The following DDX51 variants were observed in gnomAD, a reference collection of about 807,000 sequenced individuals.
The protein encoded by DDX51 is DEAD-box helicase 51.
DDX51 carries 67 observed loss-of-function variants against 74.6 expected under a neutral mutation model. That is an observed-to-expected ratio of 0.90 (90% CI 0.74 to 1.10). The LOEUF (loss-of-function observed/expected upper bound fraction) is 1.10. DDX51 is among the 50% of genes least tolerant of loss of function. The pLI, the probability that DDX51 is intolerant of heterozygous loss-of-function variation, is 0.00. For synonymous variants in DDX51, 545 were observed against 402.9 expected, an observed-to-expected ratio of 1.35 and a Z score of -4.22; for missense variants, 1,056 against 905.2, an observed-to-expected ratio of 1.17 and a Z score of -2.14.
chr12:132,139,475 G>A, intron 14 of DDX51, 160 bp downstream of exon 14: 3 of 1,540,730 alleles, frequency 1.9e-6, no homozygotes, highest in South Asian at 2.2e-5. Flanking sequence ...GGTGCCCAGG[G>A]GCTCCCCGCC....
chr12:132,142,850 G>A lies in DDX51; in HGVS notation c.548C>T (p.Ala183Val), dbSNP rs756085370. ...KVQPFLPRWL[A>V]EPNCVRRNVT... is the part of the protein sequence containing the mutation. ...ATTCCTTCTGACACAGTTAGGCTCA[G>A]CCAGCCACCTTGGCAGGAAAGGCTG... The change falls in exon 3 of 15, where the codon GCT (alanine) becomes GTT (valine). Residue 183 changes from alanine (A) to valine (V), a missense_variant. By Grantham distance (64) the Ala-to-Val change is moderately conservative. Coordinates refer to ENST00000397333, the MANE Select transcript of DDX51 (RefSeq NM_175066.4). 9 of 1,612,754 alleles carry A rather than the reference G, an allele frequency of 5.6e-6. No homozygotes were observed. The highest frequency in any genetic ancestry group is 3.3e-5 in the South Asian group (3 of 91,094).
Position 132,141,258 on chromosome 12 carries a change from G to A in DDX51, c.1250+17C>T, listed in dbSNP as rs1475753456. On this transcript the variant is annotated intron_variant, in intron 8 of 14. Transcript: ENST00000397333. ...TCTGCTCAGGGGAGGCCAGCACCTG[G>A]GCGTGCTGCTGGATACCTGGCGGCT... The A allele has an allele frequency of 6.3e-7, 1 of 1,580,014 alleles. No individual in the cohort carries two copies. The highest frequency in any genetic ancestry group is 8.6e-7 in the Non-Finnish European group (1 of 1,168,894).
In DDX51 at chr12:132,137,443, G is replaced by C. The variant is rs1180636956; in HGVS notation, c.*1829C>G. ...AAAGGCAAATTTTCTGCTGGGGACT[G>C]GCTTTACCCCGTCTACCTAAATCAT... is the stretch of plus-strand genomic sequence containing the variant. On this transcript the variant is annotated 3_prime_UTR_variant, in exon 15 of 15. Coordinates refer to ENST00000397333, the MANE Select transcript of DDX51 (RefSeq NM_175066.4). 6.6e-6 allele frequency: 1 copy of C among 152,174 alleles called. No individual in the cohort carries two copies. Among genetic ancestry groups the C allele is most frequent in the Non-Finnish European group, 1.5e-5 (1 of 68,036 alleles). The allele number at this position is 152,174 out of a possible 1,614,324, so 9.4% of individuals were successfully genotyped here. A position where few individuals can be genotyped will look rare whatever the true frequency, so the allele number is the denominator to read the frequency against.
At position 132,136,598 on chromosome 12, in the gene DDX51, GAGC is replaced by G. The variant is rs890468678; in HGVS notation, c.*2671_*2673del. 2.0e-5 allele frequency: 3 copies of G among 153,666 alleles called. No homozygotes were observed. The highest frequency in any genetic ancestry group is 7.2e-5 in the African/African-American group (3 of 41,448). 9.5% of individuals were successfully genotyped at this position (153,666 alleles called of 1,614,324 possible). On this transcript the variant is annotated 3_prime_UTR_variant, in exon 15 of 15. Coordinates refer to ENST00000397333, the MANE Select transcript of DDX51 (RefSeq NM_175066.4). Reference sequence around the variant, plus strand: ...GACACACACACACACAGTGAGTTTGGAGCAGAAGTTTAATAAGCAAAAAGGAAG... The same window carrying G: ...GACACACACACACACAGTGAGTTTGGAGAAGTTTAATAAGCAAAAAGGAAG...
rs1184156243 is a variant in DDX51, at chr12:132,137,501, T to G, written c.*1771A>C. 1.3e-5 allele frequency: 2 copies of G among 152,276 alleles called. No homozygotes were observed. Among genetic ancestry groups the G allele is most frequent in the Admixed American group, 6.5e-5 (1 of 15,292 alleles). The allele number at this position is 152,276 out of a possible 1,614,324, so 9.4% of individuals were successfully genotyped here. ...TGCCTCCTGTAACAGTCGCCTTTTGTGTTCTGCTGGCATTTGTTTGAACAC... is the reference window on the plus strand; with the variant it reads ...TGCCTCCTGTAACAGTCGCCTTTTGGGTTCTGCTGGCATTTGTTTGAACAC... On this transcript the variant is annotated 3_prime_UTR_variant, in exon 15 of 15. Transcript: ENST00000397333.
chr12:132,142,838 C>T lies in DDX51; in HGVS notation c.560G>A (p.Cys187Tyr). Residue 187 changes from cysteine (C) to tyrosine (Y), a missense_variant, in exon 3 of 15, where the codon TGT becomes TAT. By Grantham distance (194) the Cys-to-Tyr change is radical. Coordinates refer to ENST00000397333, the MANE Select transcript of DDX51 (RefSeq NM_175066.4). ...GTCTTCGGTGACATTCCTTCTGACACAGTTAGGCTCAGCCAGCCACCTTGG... is the reference window on the plus strand; with the variant it reads ...GTCTTCGGTGACATTCCTTCTGACATAGTTAGGCTCAGCCAGCCACCTTGG... ...FLPRWLAEPN[C>Y]VRRNVTEDLV... The T allele has an allele frequency of 4.3e-6, 7 of 1,612,932 alleles. No individual in the cohort carries two copies. Among genetic ancestry groups the T allele is most frequent in the Non-Finnish European group, 5.9e-6 (7 of 1,180,010 alleles).
rs200096047 is a variant in DDX51, at chr12:132,139,923, C to T, written c.1777G>A (p.Val593Ile). The T allele has an allele frequency of 3.1e-6, 5 of 1,613,034 alleles. No homozygotes were observed. In the African/African-American group the frequency reaches 4.0e-5, roughly 13 times the overall value. The change falls in exon 13 of 15, where the codon GTT becomes ATT. Residue 593 changes from valine (V) to isoleucine (I), a missense_variant and splice_region_variant. Coordinates refer to ENST00000397333, the MANE Select transcript of DDX51 (RefSeq NM_175066.4). Reference sequence around the variant, plus strand: ...TTCCCAGCGCGAGCTGTCCTCCCAACCCTGGAATCAAACGCAGCTATCTCC... The same window carrying T: ...TTCCCAGCGCGAGCTGTCCTCCCAATCCTGGAATCAAACGCAGCTATCTCC... The part of the protein sequence containing the change: ...PQYLRTYVHR[V>I]GRTARAGKTG...
Position 132,142,326 on chromosome 12 carries a change from G to A in DDX51, c.767C>T (p.Ala256Val), listed in dbSNP as rs1565954979. 6.2e-7 allele frequency: 1 copy of A among 1,613,154 alleles called. No individual in the cohort carries two copies. ...CAGTGTCTTCCCACTGCCTGTTGGG[G>A]CAGAAACACAGAGGTCGCTAGGCCG... ...GYRPSDLCVS[A>V]PTGSGKTLAF... is the part of the protein sequence containing the mutation. The change falls in exon 4 of 15, where the codon GCC becomes GTC. Residue 256 changes from alanine (A) to valine (V), a missense_variant. Physicochemically the swap from Ala to Val is moderately conservative, Grantham distance 64. Coordinates refer to ENST00000397333, the MANE Select transcript of DDX51 (RefSeq NM_175066.4).
At chr12:132,142,250 G>A (rs1324340740) in intron 4 of DDX51, 27 bp downstream of exon 4, 3 of 1,610,846 alleles carry the variant, frequency 1.9e-6, no homozygotes, top group Admixed American at 3.3e-5. Context: ...CACACCCGCT[G>A]TAGAGAAAGG....
chr12:132,141,778 C>T, intron 6 of DDX51, 72 bp downstream of exon 6: 1 of 1,550,700 alleles, frequency 6.4e-7, no homozygotes, highest in East Asian at 2.2e-5. Flanking sequence ...TCCTCTGCTC[C>T]CACGGTGCCT....
At chr12:132,143,082 A>G (rs1471998859) in intron 2 of DDX51, 1 of 637,448 alleles carries the variant, frequency 1.6e-6, no homozygotes, top group Non-Finnish European at 2.7e-6. Context: ...CTCACTCTGT[A>G]GCCTCCCATC....
In DDX51 at chr12:132,138,928, T is replaced by C. The variant is rs11246940; in HGVS notation, c.*344A>G. The C allele has an allele frequency of 0.21, 65,327 of 315,100 alleles. 11,100 individuals carry two copies. Among genetic ancestry groups the C allele is most frequent in the African/African-American group, 0.58 (27,333 of 47,074 alleles). 19.5% of individuals were successfully genotyped at this position (315,100 alleles called of 1,614,324 possible). A position where few individuals can be genotyped will look rare whatever the true frequency, so the allele number is the denominator to read the frequency against. On this transcript the variant is annotated 3_prime_UTR_variant, in exon 15 of 15. Coordinates refer to ENST00000397333, the MANE Select transcript of DDX51 (RefSeq NM_175066.4). The stretch of plus-strand genomic sequence containing the variant: ...CCACCATGCCTGGCCAAGAGCTTGA[T>C]TTTTAACATTAGCTCAAGGTTAATG...
rs1325622914 is a variant in DDX51, at chr12:132,137,741, A to C, written c.*1531T>G. The C allele has an allele frequency of 1.3e-5, 2 of 152,194 alleles. No homozygotes were observed. Among genetic ancestry groups the C allele is most frequent in the Admixed American group, 1.3e-4 (2 of 15,282 alleles). 9.4% of individuals were successfully genotyped at this position (152,194 alleles called of 1,614,324 possible). ...TTCAAACAAAGCACTGGACTGAGAG[A>C]ATTCACACACTGTATCCACCCAGTC... On this transcript the variant is annotated 3_prime_UTR_variant, in exon 15 of 15. Coordinates refer to ENST00000397333, the MANE Select transcript of DDX51 (RefSeq NM_175066.4).
rs73164960 is a variant in DDX51, at chr12:132,142,605, G to A, written c.670+123C>T. On this transcript the variant is annotated intron_variant, in intron 3 of 14. Coordinates refer to ENST00000397333, the MANE Select transcript of DDX51 (RefSeq NM_175066.4). ...AGACCCAAGTGGGAACCATGAGCTTGAGAGTGCTGAGACCACACTTGGCAC... is the reference window on the plus strand; with the variant it reads ...AGACCCAAGTGGGAACCATGAGCTTAAGAGTGCTGAGACCACACTTGGCAC... The A allele has an allele frequency of 3.2e-3, 4,689 of 1,487,268 alleles. 114 individuals are homozygous for A. The African/African-American group carries it at 0.057, about 18-fold the overall frequency. 92.1% of individuals were successfully genotyped at this position (1,487,268 alleles called of 1,614,324 possible).
In DDX51 at chr12:132,141,598, C is replaced by T; in HGVS notation, c.1004G>A (p.Gly335Glu). ...QESLVQKTAD[G>E]YRCLADIVVA... Reference sequence around the variant, plus strand: ...CACGATGTCAGCCAAGCAGCGGTACCCATCAGCTCTACAGACCAGAGAGCA... The same window carrying T: ...CACGATGTCAGCCAAGCAGCGGTACTCATCAGCTCTACAGACCAGAGAGCA... Residue 335 changes from glycine to glutamate, a missense_variant, in exon 7 of 15, where the codon GGG (glycine) becomes GAG (glutamate). By Grantham distance (98) the Gly-to-Glu change is moderately conservative. Coordinates refer to ENST00000397333, the MANE Select transcript of DDX51 (RefSeq NM_175066.4). 2 of 1,592,646 alleles carry T rather than the reference C, an allele frequency of 1.3e-6. No homozygotes were observed. The highest frequency in any genetic ancestry group is 2.2e-5 in the South Asian group (2 of 88,902).
chr12:132,139,143 G>T lies in DDX51; in HGVS notation c.*129C>A. 7.1e-7 allele frequency: 1 copy of T among 1,402,132 alleles called. No homozygotes were observed. The highest frequency in any genetic ancestry group is 9.7e-7 in the Non-Finnish European group (1 of 1,034,748). 86.9% of individuals were successfully genotyped at this position (1,402,132 alleles called of 1,614,324 possible). On this transcript the variant is annotated 3_prime_UTR_variant, in exon 15 of 15. Transcript: ENST00000397333. The stretch of plus-strand genomic sequence containing the variant: ...GGGCTGCCTGGCGCAGAGACCACGT[G>T]CTTGGGGAGGAAGGCTGTGTCCACT...
In DDX51 at chr12:132,141,390, T is replaced by C. The variant is rs1039210278; in HGVS notation, c.1135A>G (p.Ser379Gly). 1 of 1,597,454 alleles carries C rather than the reference T, an allele frequency of 6.3e-7. No individual in the cohort carries two copies. The highest frequency in any genetic ancestry group is 8.5e-7 in the Non-Finnish European group (1 of 1,179,050). The stretch of plus-strand genomic sequence containing the variant: ...CGCGGCAGCCAGGACTGATGCATGC[T>C]GTCAATCATCCGGTCAGCCTCGTCG... Reference protein sequence around the residue: ...IIDEADRMIDSMHQSWLPRVV... With the variant: ...IIDEADRMIDGMHQSWLPRVV... Residue 379 changes from serine (S) to glycine (G), a missense_variant, in exon 8 of 15, where the codon AGC becomes GGC. By Grantham distance (56) the Ser-to-Gly change is moderately conservative. Transcript: ENST00000397333.
rs777927711 is a variant in DDX51 at position 132,140,610 on chromosome 12, G to A, written c.1556+10C>T. 44 of 1,612,672 alleles carry A rather than the reference G, an allele frequency of 2.7e-5. No individual in the cohort carries two copies. The highest frequency in any genetic ancestry group is 1.3e-4 in the East Asian group (6 of 44,904). On this transcript the variant is annotated intron_variant, in intron 10 of 14. Coordinates refer to ENST00000397333, the MANE Select transcript of DDX51 (RefSeq NM_175066.4). ...CCACCTCTGCCACCCCCGCCCAGCC[G>A]GGGCCTCACCTGTGGGAGTTCTCTC...
In DDX51 at chr12:132,140,158, T is replaced by A; in HGVS notation, c.1715A>T (p.Gln572Leu). The A allele has an allele frequency of 6.2e-7, 1 of 1,612,856 alleles. No individual in the cohort carries two copies. Among genetic ancestry groups the A allele is most frequent in the African/African-American group, 1.3e-5 (1 of 75,044 alleles). ...TDATARGIDV[Q>L]GVELVVNYDA... ...GTAGTTCACCACCAGCTCCACACCC[T>A]GCACGTCGATGCCTCGCGCGGTGGC... Residue 572 changes from glutamine to leucine, a missense_variant, in exon 12 of 15, where the codon CAG becomes CTG. Gln to Leu is a moderately radical substitution (Grantham distance 113, BLOSUM62 -2). Transcript: ENST00000397333.
Sources: allele counts gnomAD v4.1 joint callset, GRCh38; gene constraint gnomAD v4.1.1; transcripts MANE v1.5; gene names NCBI Gene and HGNC (gene_info 2026-07-23, HGNC 2026-07-21).